IMMP2L: variants seen among roughly 807,000 people sequenced by gnomAD.
IMMP2L encodes inner mitochondrial membrane peptidase subunit 2, also known as mitochondrial inner membrane protease subunit 2.
IMMP2L carries 18 observed loss-of-function variants against 19.3 expected under a neutral mutation model. The ratio of observed to expected loss-of-function variants is 0.93; its 90% CI spans 0.64 to 1.38. The LOEUF (loss-of-function observed/expected upper bound fraction) is 1.38, where lower values mean the gene tolerates loss of function less well. Among genes scored for constraint, IMMP2L ranks in the 40% most tolerant of loss-of-function variants. The probability of loss-of-function intolerance (pLI) is 0.00; values close to 1 mark genes in which losing one functional copy is unlikely to be tolerated. For synonymous variants in IMMP2L, 76 were observed against 73.0 expected, an observed-to-expected ratio of 1.04 and a Z score of -0.21; for missense variants, 233 against 218.2, an observed-to-expected ratio of 1.07 and a Z score of -0.43.
chr7:111,361,725 T>A (rs939622605), intron 3 of IMMP2L, among the ~76,000 whole-genome samples: 1 of 152,122 alleles, frequency 6.6e-6, no homozygotes, highest in African/African-American at 2.4e-5. Context: ...TCATCTTTGA[T>A]AACAGAAGTT....
intron 1 of IMMP2L, chr7:111,532,379 C>T (rs144380166): frequency 6.6e-6 from 1 of 152,058 alleles, no homozygotes; most frequent in African/African-American, 2.4e-5. Context: ...AATTGAAAAA[C>T]TTTTTTAAAG....
intron 4 of IMMP2L, chr7:110,962,792 A>G: frequency 5.1e-6 from 6 of 1,166,990 alleles, no homozygotes; most frequent in Non-Finnish European, 6.3e-6. Context: ...AAGTTTTTTT[A>G]GAAAACAGGG....
chr7:111,059,208 T>C (rs1793787599), intron 3 of IMMP2L, among the ~76,000 whole-genome samples: 1 of 152,038 alleles, frequency 6.6e-6, no homozygotes, highest in Non-Finnish European at 1.5e-5. Context: ...GGTCTCAAAC[T>C]CCTGACCTTG....
chr7:111,129,473 G>T (rs939117374), intron 3 of IMMP2L, among the ~76,000 whole-genome samples: 1 of 151,448 alleles, frequency 6.6e-6, no homozygotes, highest in Non-Finnish European at 1.5e-5. Flanking sequence ...GGTCCCAAAA[G>T]GATATTTTGC....
At chr7:110,737,644 CACTTGAGAA>C (rs1453398207) in intron 5 of IMMP2L, among the ~76,000 whole-genome samples, 6 of 152,196 alleles carry the variant, frequency 3.9e-5, no homozygotes, top group African/African-American at 7.2e-5. Context: ...CCCTGCCCAC[CACTTGAGAA>C]ACCTGAATAC....
intron 3 of IMMP2L, among the ~76,000 whole-genome samples, chr7:111,427,166 T>C (rs1022313870): frequency 1.3e-5 from 2 of 151,654 alleles, no homozygotes; most frequent in African/African-American, 4.9e-5. Context: ...TGTTAGTGGC[T>C]GAGGATAGAA....
In IMMP2L at chr7:110,833,669, G is replaced by C. The variant is rs565979539; in HGVS notation, c.408+52924C>G. Among the ~76,000 whole-genome samples the C allele has an allele frequency of 2.6e-5, 4 of 152,134 alleles. No homozygotes were observed. In the East Asian group the frequency reaches 7.7e-4, roughly 29 times the overall value. On this transcript the variant is annotated intron_variant, in intron 5 of 5. Coordinates refer to ENST00000405709, the MANE Select transcript of IMMP2L (RefSeq NM_032549.4). The stretch of plus-strand genomic sequence containing the variant: ...ATGACTTTTTTAAATAAAATAACTT[G>C]CATATTAAACATTACATTTCATGTT...
chr7:111,033,359 C>T (rs2129569302), intron 3 of IMMP2L, among the ~76,000 whole-genome samples: 1 of 152,278 alleles, frequency 6.6e-6, no homozygotes. Flanking sequence ...GGAACTCTCA[C>T]TCATTGCTGG....
At chr7:111,017,041 T>C (rs937352915) in intron 3 of IMMP2L, among the ~76,000 whole-genome samples, 1 of 140,904 alleles carries the variant, frequency 7.1e-6, no homozygotes, top group African/African-American at 2.7e-5. Flanking sequence ...CAGAACTTCA[T>C]ATTGCATTTT....
At chr7:111,253,478 A>G (rs747333246) in intron 3 of IMMP2L, among the ~76,000 whole-genome samples, 4 of 152,142 alleles carry the variant, frequency 2.6e-5, no homozygotes, top group Admixed American at 6.6e-5. Flanking sequence ...AGGTAACATG[A>G]CATACAAGGC....
rs78354007 is a variant in IMMP2L at position 111,347,215 on chromosome 7, T to C, written c.239+140023A>G. ...TATGTGACAGGCATACAGATAGCAATAGATTGAAGAATATGGAGTGTCAGC... is the reference window on the plus strand; with the variant it reads ...TATGTGACAGGCATACAGATAGCAACAGATTGAAGAATATGGAGTGTCAGC... On this transcript the variant is annotated intron_variant, in intron 3 of 5. Transcript: ENST00000405709. 1.6e-3 allele frequency among the ~76,000 whole-genome samples: 245 copies of C among 151,972 alleles called. 5 individuals are homozygous for C. In the East Asian group the frequency reaches 0.04, roughly 25 times the overall value.
chr7:111,484,577 T>C (rs1351160938), intron 3 of IMMP2L, among the ~76,000 whole-genome samples: 1 of 152,254 alleles, frequency 6.6e-6, no homozygotes, highest in African/African-American at 2.4e-5. Flanking sequence ...CTTAAATAAA[T>C]AGGATGTTCC....
chr7:111,378,750 CAA>C (rs1200179575), intron 3 of IMMP2L, among the ~76,000 whole-genome samples: 1 of 151,938 alleles, frequency 6.6e-6, no homozygotes, highest in East Asian at 1.9e-4. Context: ...TGAATCAGCT[CAA>C]AGACTTATTA....
At chr7:110,921,519 CA>C (rs1445081162) in intron 4 of IMMP2L, among the ~76,000 whole-genome samples, 1 of 152,170 alleles carries the variant, frequency 6.6e-6, no homozygotes, top group Admixed American at 6.5e-5. Flanking sequence ...CCAATAGAGA[CA>C]AGATGCTTTA....
intron 3 of IMMP2L, among the ~76,000 whole-genome samples, chr7:111,350,315 A>G (rs533515745): frequency 6.6e-6 from 1 of 151,348 alleles, no homozygotes; most frequent in South Asian, 2.1e-4. Flanking sequence ...TTAAAATAAT[A>G]AACTATATTA....
intron 5 of IMMP2L, among the ~76,000 whole-genome samples, chr7:110,713,008 T>C (rs1794996919): frequency 6.6e-6 from 1 of 152,136 alleles, no homozygotes; most frequent in South Asian, 2.1e-4. Context: ...CCGGAGCTGT[T>C]CCTATTCGGC....
intron 3 of IMMP2L, among the ~76,000 whole-genome samples, chr7:111,180,365 G>A (rs987668953): frequency 6.6e-6 from 1 of 151,940 alleles, no homozygotes; most frequent in African/African-American, 2.4e-5. Flanking sequence ...AAATAAGGAG[G>A]CCTGAGGAGA....
intron 3 of IMMP2L, among the ~76,000 whole-genome samples, chr7:111,222,962 T>C (rs1812681679): frequency 1.3e-5 from 2 of 151,966 alleles, no homozygotes; most frequent in South Asian, 2.1e-4. Flanking sequence ...AATTATGGCA[T>C]ACTCACTAAA....
intron 3 of IMMP2L, among the ~76,000 whole-genome samples, chr7:111,415,416 T>G (rs190293268): frequency 2.6e-5 from 4 of 151,848 alleles, no homozygotes; most frequent in Admixed American, 2.6e-4. Flanking sequence ...GCCCAGACTT[T>G]TGCCCTACAA....
Sources: gnomAD v4.1 joint callset for allele counts (sites outside exome capture counted in the v4.1 genomes callset) on GRCh38, gnomAD v4.1.1 for gene constraint, MANE v1.5 for transcripts, NCBI Gene and HGNC (gene_info 2026-07-23, HGNC 2026-07-21) for gene names.